The following FBXL17 variants were observed in gnomAD, a reference collection of about 807,000 sequenced individuals.
FBXL17 encodes the protein F-box/LRR-repeat protein 17.
FBXL17 carries 22 observed loss-of-function variants against 66.2 expected under a neutral mutation model. That is an observed-to-expected ratio of 0.33 (90% CI 0.24 to 0.47). The LOEUF (loss-of-function observed/expected upper bound fraction) is 0.47, where lower values mean the gene tolerates loss of function less well. Ranked by LOEUF, FBXL17 falls within the 20% of genes least tolerant of loss-of-function variation. The probability of loss-of-function intolerance (pLI) is 1.00; values close to 1 mark genes in which losing one functional copy is unlikely to be tolerated. For synonymous variants in FBXL17, 474 were observed against 400.5 expected, an observed-to-expected ratio of 1.18 and a Z score of -2.19; for missense variants, 878 against 948.2, an observed-to-expected ratio of 0.93 and a Z score of 0.97.
At chr5:108,010,461 G>C (rs915041917) in intron 7 of FBXL17, among the ~76,000 whole-genome samples, 2 of 152,084 alleles carry the variant, frequency 1.3e-5, no homozygotes, top group Admixed American at 1.3e-4. Context: ...AAACCTGTGT[G>C]GAGGGGCTGA....
In FBXL17 at chr5:107,881,152, A is replaced by T. The variant is rs747818982; in HGVS notation, c.1850T>A (p.Met617Lys). Residue 617 changes from methionine to lysine, a missense_variant, in exon 8 of 9, where the codon ATG (methionine) becomes AAG (lysine). By Grantham distance (95) the Met-to-Lys change is moderately conservative (BLOSUM62 -1). Around this residue, in one of 4 missense-constraint regions of FBXL17, gnomAD observed 236 missense variants for 389.1 expected, o/e 0.61. Transcript: ENST00000542267. ...TCCGACATCCACAGTCTCTATTGTC[A>T]TGCTGTATCGCCCAATGGCTATCAG... ...YALIAIGRYS[M>K]TIETVDVGWC... 2.5e-6 allele frequency: 4 copies of T among 1,612,258 alleles called. No homozygotes were observed. The highest frequency in any genetic ancestry group is 1.7e-6 in the Non-Finnish European group (2 of 1,178,902).
At chr5:108,253,668 G>A (rs1756455237) in intron 4 of FBXL17, among the ~76,000 whole-genome samples, 1 of 152,110 alleles carries the variant, frequency 6.6e-6, no homozygotes, top group Non-Finnish European at 1.5e-5. Flanking sequence ...AATTTAAGAA[G>A]TAAGTACGCA....
chr5:107,980,866 G>A (rs1032686294), intron 7 of FBXL17, among the ~76,000 whole-genome samples: 3 of 149,612 alleles, frequency 2.0e-5, no homozygotes, highest in African/African-American at 5.0e-5. Context: ...CCATGGTCTC[G>A]ATCTCCTGAC....
intron 6 of FBXL17, among the ~76,000 whole-genome samples, chr5:108,179,739 G>A (rs890622953): frequency 2.0e-5 from 3 of 152,106 alleles, no homozygotes; most frequent in African/African-American, 7.2e-5. Context: ...TTCTGTCTCC[G>A]TCTATAACTT....
intron 4 of FBXL17, among the ~76,000 whole-genome samples, chr5:108,314,371 A>G (rs1759258241): frequency 6.6e-6 from 1 of 151,730 alleles, no homozygotes; most frequent in Non-Finnish European, 1.5e-5. Flanking sequence ...AAGACTAGAT[A>G]TATAAGAAAA....
At chr5:108,040,794 T>C (rs1747016095) in intron 6 of FBXL17, among the ~76,000 whole-genome samples, 1 of 152,194 alleles carries the variant, frequency 6.6e-6, no homozygotes. Flanking sequence ...ATGAGGTTTT[T>C]ACCGTGGAAG....
At chr5:108,209,445 T>A (rs1424949529) in intron 5 of FBXL17, among the ~76,000 whole-genome samples, 1 of 152,198 alleles carries the variant, frequency 6.6e-6, no homozygotes, top group South Asian at 2.1e-4. Flanking sequence ...TCACTGTGGG[T>A]TTGTCATAAA....
intron 7 of FBXL17, among the ~76,000 whole-genome samples, chr5:107,895,769 C>T (rs940807057): frequency 6.6e-6 from 1 of 152,142 alleles, no homozygotes; most frequent in African/African-American, 2.4e-5. Context: ...TGAGCTAGAG[C>T]TGTCTGTGTG....
intron 8 of FBXL17, 93 bp downstream of exon 8, chr5:107,880,944 G>C (rs756975631): frequency 6.2e-7 from 1 of 1,604,008 alleles, no homozygotes; most frequent in East Asian, 2.2e-5. Context: ...TATAATACAC[G>C]GGGGTGGAGA....
At chr5:108,128,993 C>A (rs1047058562) in intron 6 of FBXL17, among the ~76,000 whole-genome samples, 1 of 152,060 alleles carries the variant, frequency 6.6e-6, no homozygotes, top group African/African-American at 2.4e-5. Flanking sequence ...TTTTGGTTGA[C>A]ATGATTTTTA....
chr5:108,268,843 T>TA (rs1192031397), intron 4 of FBXL17, among the ~76,000 whole-genome samples: 1 of 152,058 alleles, frequency 6.6e-6, no homozygotes, highest in Non-Finnish European at 1.5e-5. Flanking sequence ...TCCTGAGAAT[T>TA]AAATTGAAGT....
chr5:107,911,092 G>T (rs1171477824), intron 7 of FBXL17, among the ~76,000 whole-genome samples: 1 of 152,054 alleles, frequency 6.6e-6, no homozygotes, highest in Non-Finnish European at 1.5e-5. Flanking sequence ...GTGAGAATAA[G>T]TAAGATAATT....
At chr5:108,115,870 T>G (rs1750228544) in intron 6 of FBXL17, among the ~76,000 whole-genome samples, 1 of 152,130 alleles carries the variant, frequency 6.6e-6, no homozygotes, top group African/African-American at 2.4e-5. Flanking sequence ...TTCATCTACT[T>G]TAAAAGCTGA....
At chr5:108,040,532 T>C (rs1747005937) in intron 6 of FBXL17, among the ~76,000 whole-genome samples, 1 of 152,140 alleles carries the variant, frequency 6.6e-6, no homozygotes, top group African/African-American at 2.4e-5. Flanking sequence ...TAAATTATGG[T>C]ATCCAGATGC....
intron 4 of FBXL17, among the ~76,000 whole-genome samples, chr5:108,331,192 A>G (rs1317371844): frequency 6.6e-6 from 1 of 152,226 alleles, no homozygotes; most frequent in Admixed American, 6.5e-5. Flanking sequence ...AGTTCACTCA[A>G]TATCAAGAAA....
intron 7 of FBXL17, among the ~76,000 whole-genome samples, chr5:107,919,184 T>C (rs1472649043): frequency 1.3e-5 from 2 of 152,222 alleles, no homozygotes; most frequent in African/African-American, 4.8e-5. Context: ...TTCCTTATCT[T>C]GGCTACATAA....
chr5:108,361,004 C>A (rs2112306), intron 3 of FBXL17, among the ~76,000 whole-genome samples: 63,954 of 151,778 alleles, frequency 0.42, 14,259 homozygotes, highest in Non-Finnish European at 0.5. Flanking sequence ...ATTTCTTTGG[C>A]CATGGTTTCC....
chr5:108,026,765 A>T (rs936681953), intron 6 of FBXL17, among the ~76,000 whole-genome samples: 1 of 152,218 alleles, frequency 6.6e-6, no homozygotes. Context: ...TGCTACTTAA[A>T]CAATAGCAAA....
intron 4 of FBXL17, among the ~76,000 whole-genome samples, chr5:108,330,737 T>C (rs1258907305): frequency 6.6e-6 from 1 of 151,930 alleles, no homozygotes; most frequent in Non-Finnish European, 1.5e-5. Context: ...TCATCACACG[T>C]GCACACACAT....
Sources: gnomAD v4.1 joint callset for allele counts (sites outside exome capture counted in the v4.1 genomes callset) on GRCh38, gnomAD v4.1.1 for gene constraint, gnomAD v4.1.1 regional missense constraint, MANE v1.5 for transcripts, NCBI Gene and HGNC (gene_info 2026-07-23, HGNC 2026-07-21) for gene names.